Variants in COL6A6 observed in about 807,000 individuals in gnomAD.
COL6A6 encodes collagen type VI alpha 6 chain.
Under a neutral mutation model 208.6 loss-of-function variants are expected in COL6A6, and 183 were observed. The observed-to-expected ratio is 0.88, with a 90% CI of 0.78 to 0.99. The LOEUF (loss-of-function observed/expected upper bound fraction) is 0.99, where lower values mean the gene tolerates loss of function less well. Ranked by LOEUF, COL6A6 falls within the 50% of genes least tolerant of loss-of-function variation. COL6A6 has a pLI of 0.00. For synonymous variants in COL6A6, 973 were observed against 1,011.8 expected, an observed-to-expected ratio of 0.96 and a Z score of 0.73; for missense variants, 2,816 against 2,815.2, an observed-to-expected ratio of 1.00 and a Z score of -0.01.
chr3:130,627,302 A>G lies in COL6A6; in HGVS notation c.4942-17A>G. 1 of 1,609,890 alleles carries G rather than the reference A, an allele frequency of 6.2e-7. No homozygotes were observed. Among genetic ancestry groups the G allele is most frequent in the Non-Finnish European group, 8.5e-7 (1 of 1,176,252 alleles). On this transcript the variant is annotated splice_polypyrimidine_tract_variant and intron_variant, in intron 25 of 36. Coordinates refer to ENST00000358511, the MANE Select transcript of COL6A6 (RefSeq NM_001102608.3). The stretch of plus-strand genomic sequence containing the variant: ...TCTGTAGTCTGGGATGTTGGTAATC[A>G]ATTGCTCTGTTTACAGGGCAATGAT...
At chr3:130,642,399 T>C (rs1195233832) in intron 29 of COL6A6, among the ~76,000 whole-genome samples, 1 of 152,130 alleles carries the variant, frequency 6.6e-6, no homozygotes, top group Non-Finnish European at 1.5e-5. Flanking sequence ...CTCTGGCTGC[T>C]GTTCAGTGGC....
At chr3:130,627,130 C>T (rs2064913461) in intron 25 of COL6A6, among the ~76,000 whole-genome samples, 189 bp from the exon 26 acceptor site, 1 of 152,136 alleles carries the variant, frequency 6.6e-6, no homozygotes, top group Non-Finnish European at 1.5e-5. Flanking sequence ...AGTGCATTGT[C>T]TGTATCTGTT....
chr3:130,563,077 A>G lies in COL6A6; in HGVS notation c.74A>G (p.Tyr25Cys). 1 of 1,609,806 alleles carries G rather than the reference A, an allele frequency of 6.2e-7. No individual in the cohort carries two copies. Among genetic ancestry groups the G allele is most frequent in the Non-Finnish European group, 8.5e-7 (1 of 1,177,234 alleles). ...GTTTGTGGTTTTGCAGGCCCTGAGT[A>G]TGCAGATGTTGTGTTTTTGGTGGAC... ...ISVNQDSGPEYADVVFLVDSS... is the reference protein window; with the variant it reads ...ISVNQDSGPECADVVFLVDSS... The change falls in exon 3 of 37, where the codon TAT becomes TGT. Residue 25 changes from tyrosine (Y) to cysteine (C), a missense_variant. By Grantham distance (194) the Tyr-to-Cys change is radical. Transcript: ENST00000358511.
chr3:130,549,950 T>C (rs1024782893), intron 1 of COL6A6, among the ~76,000 whole-genome samples: 3 of 152,236 alleles, frequency 2.0e-5, no homozygotes, highest in Non-Finnish European at 4.4e-5. Context: ...AGGAATACCA[T>C]TGAATGTATT....
intron 28 of COL6A6, among the ~76,000 whole-genome samples, chr3:130,637,728 A>AT (rs1045356559): frequency 3.3e-5 from 5 of 150,936 alleles, no homozygotes; most frequent in East Asian, 1.9e-4. Flanking sequence ...CTTCACCTTG[A>AT]TTTTTTTTTC....
chr3:130,662,285 A>C lies in COL6A6; in HGVS notation c.6479A>C (p.Lys2160Thr). 2 of 1,613,478 alleles carry C rather than the reference A, an allele frequency of 1.2e-6. No individual in the cohort carries two copies. Among genetic ancestry groups the C allele is most frequent in the Non-Finnish European group, 1.7e-6 (2 of 1,179,522 alleles). The change falls in exon 35 of 37, where the codon AAG becomes ACG. Residue 2160 changes from lysine (K) to threonine (T), a missense_variant. Physicochemically the swap from Lys to Thr is moderately conservative, Grantham distance 78. Transcript: ENST00000358511. ...PDHSYGVKFV[K>T]SFINSIRRAI... ...CACAGTTATGGTGTGAAGTTTGTGA[A>C]GTCCTTTATAAACTCAATCAGGCGT...
At chr3:130,669,189 G>A (rs1421586875) in intron 36 of COL6A6, among the ~76,000 whole-genome samples, 2 of 152,214 alleles carry the variant, frequency 1.3e-5, no homozygotes, top group African/African-American at 4.8e-5. Context: ...GAGGTCAGGA[G>A]TTCAAGGCCA....
In COL6A6 at chr3:130,627,365, C is replaced by A; in HGVS notation, c.4988C>A (p.Ala1663Glu). 6.2e-7 allele frequency: 1 copy of A among 1,613,560 alleles called. No individual in the cohort carries two copies. Among genetic ancestry groups the A allele is most frequent in the Non-Finnish European group, 8.5e-7 (1 of 1,179,544 alleles). Residue 1663 changes from alanine to glutamate, a missense_variant, in exon 26 of 37, where the codon GCA becomes GAA. Transcript: ENST00000358511. Reference sequence around the variant, plus strand: ...TATGGTAGTGTCGGACGCAAGGGAGCAAAGGTAAGTCAAGTCTGCTGGAAG... The same window carrying A: ...TATGGTAGTGTCGGACGCAAGGGAGAAAAGGTAAGTCAAGTCTGCTGGAAG... ...PGYGSVGRKG[A>E]KGQEGFPGES...
intron 1 of COL6A6, among the ~76,000 whole-genome samples, chr3:130,518,743 T>C (rs1710892315): frequency 6.6e-6 from 1 of 152,142 alleles, no homozygotes. Flanking sequence ...TGACCTTAGG[T>C]GATCCGCCCG....
chr3:130,666,007 T>G (rs565657120), intron 36 of COL6A6, among the ~76,000 whole-genome samples: 2 of 152,290 alleles, frequency 1.3e-5, no homozygotes, highest in Admixed American at 6.5e-5. Context: ...TTGGTGGACC[T>G]CAGATAGGAT....
chr3:130,567,942 G>A, intron 5 of COL6A6, 105 bp from the exon 6 acceptor site: 1 of 744,754 alleles, frequency 1.3e-6, no homozygotes, highest in Non-Finnish European at 2.2e-6. Context: ...TTATTACTAA[G>A]TACACATGTC....
At chr3:130,569,740 C>G (rs74332509) in intron 6 of COL6A6, among the ~76,000 whole-genome samples, 39 of 152,292 alleles carry the variant, frequency 2.6e-4, no homozygotes, top group Non-Finnish European at 4.7e-4. Flanking sequence ...GCTTCCCAGG[C>G]AGTCAAAGAC....
chr3:130,555,720 A>C (rs562975314), intron 1 of COL6A6, among the ~76,000 whole-genome samples: 2 of 152,264 alleles, frequency 1.3e-5, no homozygotes, highest in African/African-American at 4.8e-5. Context: ...GTTTTTCTTT[A>C]AAATCATGAA....
intron 10 of COL6A6, among the ~76,000 whole-genome samples, chr3:130,584,207 C>G (rs2063485338): frequency 6.6e-6 from 1 of 152,226 alleles, no homozygotes; most frequent in South Asian, 2.1e-4. Flanking sequence ...GTCCCCTGAT[C>G]CCAAGAAAAA....
chr3:130,527,660 C>T (rs988148881), intron 1 of COL6A6, among the ~76,000 whole-genome samples: 5 of 152,206 alleles, frequency 3.3e-5, no homozygotes, highest in Non-Finnish European at 7.3e-5. Context: ...ATGGATATTT[C>T]ATTTAATGAA....
chr3:130,581,817 A>G lies in COL6A6; in HGVS notation c.3804A>G (p.Ile1268Met), dbSNP rs767525790. The change falls in exon 9 of 37, where the codon ATA (isoleucine) becomes ATG (methionine). Residue 1268 changes from isoleucine to methionine, a missense_variant. By Grantham distance (10) the Ile-to-Met change is conservative. Coordinates refer to ENST00000358511, the MANE Select transcript of COL6A6 (RefSeq NM_001102608.3). ...SENILNSLKD[I>M]TVKGPSLLNA... ...ACATACTGAATAGCTTGAAGGATAT[A>G]ACAGTTAAAGGACCATCTCTTCTCA... The G allele has an allele frequency of 1.9e-6, 3 of 1,613,314 alleles. No homozygotes were observed. The highest frequency in any genetic ancestry group is 2.5e-6 in the Non-Finnish European group (3 of 1,179,196).
At chr3:130,560,508 C>A (rs1218895968) in intron 2 of COL6A6, 80 bp downstream of exon 2, 2 of 1,264,886 alleles carry the variant, frequency 1.6e-6, no homozygotes, top group Non-Finnish European at 2.2e-6. Context: ...TTAAAAGTTA[C>A]AAGTTTTGTA....
chr3:130,619,232 G>A (rs1328285358), intron 23 of COL6A6, among the ~76,000 whole-genome samples: 1 of 152,140 alleles, frequency 6.6e-6, no homozygotes, highest in Non-Finnish European at 1.5e-5. Context: ...AGGAATCGGG[G>A]GGACAAGCAT....
rs747715720 is a variant in COL6A6, at chr3:130,571,371, T to A, written c.2955T>A (p.Ser985Arg). The A allele has an allele frequency of 6.3e-7, 1 of 1,579,852 alleles. No homozygotes were observed. The highest frequency in any genetic ancestry group is 8.6e-7 in the Non-Finnish European group (1 of 1,164,938). The change falls in exon 7 of 37, where the codon AGT (serine) becomes AGA (arginine). Residue 985 changes from serine to arginine, a missense_variant. By Grantham distance (110) the Ser-to-Arg change is moderately radical. Coordinates refer to ENST00000358511, the MANE Select transcript of COL6A6 (RefSeq NM_001102608.3). ...GAATATTTTCAGATGTGACAGCCAG[T>A]GTCTGCAACTCTTCAAAAGTAGGTA... ...LKGIFSDVTA[S>R]VCNSSKVDCE...
Sources: gnomAD v4.1 joint callset for allele counts (sites outside exome capture counted in the v4.1 genomes callset) on GRCh38, gnomAD v4.1.1 for gene constraint, MANE v1.5 for transcripts, NCBI Gene and HGNC (gene_info 2026-07-23, HGNC 2026-07-21) for gene names.